The following LYZL6 variants were observed in gnomAD, a reference collection of about 807,000 sequenced individuals.
The protein encoded by LYZL6 is lysozyme like 6.
In LYZL6, 21 loss-of-function variants were observed where a neutral mutation model predicts 15.0. The ratio of observed to expected loss-of-function variants is 1.40; its 90% CI spans 1.00 to 2.02. LYZL6 has a LOEUF of 2.02. Among genes scored for constraint, LYZL6 ranks in the 30% most tolerant of loss-of-function variants. The pLI, the probability that LYZL6 is intolerant of heterozygous loss-of-function variation, is 0.00. For synonymous variants in LYZL6, 72 were observed against 67.8 expected, an observed-to-expected ratio of 1.06 and a Z score of -0.31; for missense variants, 173 against 180.5, an observed-to-expected ratio of 0.96 and a Z score of 0.24.
At chr17:35,939,071 G>A in intron 2 of LYZL6, 147 bp downstream of exon 2, 2 of 871,336 alleles carry the variant, frequency 2.3e-6, no homozygotes, top group Non-Finnish European at 3.6e-6. Flanking sequence ...AATAACTTGA[G>A]TGAATACAGC....
At chr17:35,939,763 G>T (rs2089410840) in intron 1 of LYZL6, among the ~76,000 whole-genome samples, 1 of 152,150 alleles carries the variant, frequency 6.6e-6, no homozygotes, top group African/African-American at 2.4e-5. Context: ...CTCCCAAAGT[G>T]CTGGGATTAC....
intron 1 of LYZL6, among the ~76,000 whole-genome samples, chr17:35,941,241 A>C (rs971208651): frequency 5.9e-5 from 9 of 152,240 alleles, no homozygotes; most frequent in African/African-American, 1.9e-4. Context: ...CGTTTCCCAG[A>C]TGGCTACGGA....
At chr17:35,935,803 C>T (rs964526109) in intron 4 of LYZL6, among the ~76,000 whole-genome samples, 6 of 149,756 alleles carry the variant, frequency 4.0e-5, no homozygotes, top group African/African-American at 7.4e-5. Flanking sequence ...TGAGCCACTG[C>T]GCCCAGCCGC....
At chr17:35,941,270 G>A (rs911095115) in intron 1 of LYZL6, among the ~76,000 whole-genome samples, 16 of 152,164 alleles carry the variant, frequency 1.1e-4, no homozygotes, top group African/African-American at 3.6e-4. Flanking sequence ...ATCTTTTTAT[G>A]TGCTTATTGG....
At position 35,943,705 on chromosome 17, in the gene LYZL6, C is replaced by T. The variant is rs1568425952; in HGVS notation, c.-341G>A. On this transcript the variant is annotated 5_prime_UTR_variant, in exon 1 of 5. Transcript: ENST00000615905. ...TCAGCCCTGCCCAACTAACAGCTCT[C>T]CATGTTCTAAAGAAGGCTTCTGGAA... 6.6e-6 allele frequency: 1 copy of T among 152,384 alleles called. No individual in the cohort carries two copies. The highest frequency in any genetic ancestry group is 6.5e-5 in the Admixed American group (1 of 15,284). 9.4% of individuals were successfully genotyped at this position (152,384 alleles called of 1,614,324 possible).
In LYZL6 at chr17:35,937,448, G is replaced by A. The variant is rs376873098; in HGVS notation, c.298+310C>T. 3.9e-5 allele frequency among the ~76,000 whole-genome samples: 6 copies of A among 152,318 alleles called. No homozygotes were observed. The South Asian group carries it at 1.2e-3, about 32-fold the overall frequency. On this transcript the variant is annotated intron_variant, in intron 3 of 4. Coordinates refer to ENST00000615905, the MANE Select transcript of LYZL6 (RefSeq NM_020426.4). ...AATGGTTTCTACTGCATGAAAGTTG[G>A]ATGAAATAAGCCAAGTATGTAAAGC...
intron 2 of LYZL6, among the ~76,000 whole-genome samples, chr17:35,938,605 G>A (rs1308084029): frequency 1.4e-5 from 2 of 146,052 alleles, no homozygotes; most frequent in East Asian, 2.0e-4. Flanking sequence ...GTGACAGAGC[G>A]AGACTCTGTC....
intron 4 of LYZL6, among the ~76,000 whole-genome samples, chr17:35,935,702 C>T (rs1369120861): frequency 6.6e-6 from 1 of 152,128 alleles, no homozygotes; most frequent in African/African-American, 2.4e-5. Flanking sequence ...TTAGTAGAGA[C>T]AAAGTTTCAC....
rs145793509 is a variant in LYZL6, at chr17:35,938,580, T to G, written c.139+638A>C. On this transcript the variant is annotated intron_variant, in intron 2 of 4. Transcript: ENST00000615905. ...TTGCAGTGAGCCAAGATCGCGCCACTACACTCCAGCCTGGGTGACAGAGCG... is the reference window on the plus strand; with the variant it reads ...TTGCAGTGAGCCAAGATCGCGCCACGACACTCCAGCCTGGGTGACAGAGCG... 4.3e-3 allele frequency among the ~76,000 whole-genome samples: 620 copies of G among 144,204 alleles called. 3 individuals carry two copies. Among genetic ancestry groups the G allele is most frequent in the African/African-American group, 0.015 (565 of 38,572 alleles). 94.6% of individuals were successfully genotyped at this position (144,204 alleles called of 152,430 possible).
chr17:35,935,440 G>C (rs2089363181), intron 4 of LYZL6, among the ~76,000 whole-genome samples: 1 of 152,122 alleles, frequency 6.6e-6, no homozygotes, highest in Non-Finnish European at 1.5e-5. Flanking sequence ...TTTTGAGACG[G>C]ATTCTTTCTC....
At chr17:35,938,050 G>C in intron 2 of LYZL6, 134 bp from the exon 3 acceptor site, 1 of 774,586 alleles carries the variant, frequency 1.3e-6, no homozygotes, top group Non-Finnish European at 2.0e-6. Context: ...TAGAGGGCTT[G>C]AAATCTCCAT....
At chr17:35,935,600 C>T (rs188666118) in intron 4 of LYZL6, among the ~76,000 whole-genome samples, 15 of 151,982 alleles carry the variant, frequency 9.9e-5, no homozygotes, top group East Asian at 5.8e-4. Flanking sequence ...AGAGAGATCC[C>T]GGCCCACAGG....
intron 2 of LYZL6, 75 bp from the exon 3 acceptor site, chr17:35,937,991 A>G (rs1486764369): frequency 1.1e-5 from 16 of 1,473,960 alleles, no homozygotes; most frequent in Middle Eastern, 1.9e-4. Flanking sequence ...GGAGAAAGGG[A>G]GGCAAGGTTT....
intron 2 of LYZL6, 94 bp from the exon 3 acceptor site, chr17:35,938,010 A>C: frequency 7.7e-6 from 10 of 1,291,208 alleles, no homozygotes; most frequent in Non-Finnish European, 1.1e-5. Context: ...TTCAGACAAA[A>C]GGAACAAGGC....
At chr17:35,941,090 C>T (rs1171683503) in intron 1 of LYZL6, among the ~76,000 whole-genome samples, 1 of 152,228 alleles carries the variant, frequency 6.6e-6, no homozygotes, top group East Asian at 1.9e-4. Flanking sequence ...TCCAAAGTGG[C>T]TGCACCATTT....
chr17:35,936,820 G>A lies in LYZL6; in HGVS notation c.312C>T (p.Pro104=), dbSNP rs113530057. The stretch of plus-strand genomic sequence containing the variant: ...CGCAGTGGATGCCTGCAAGAAGGTT[G>A]GGATTCAGCAGATCTGAAAGGGAGG... ...CHVDCQDLLN[P]NLLAGIHCAK... is the part of the protein sequence containing the mutation. Residue 104 remains proline (P), a synonymous_variant, in exon 4 of 5, where the codon CCC becomes CCT. Transcript: ENST00000615905. The A allele has an allele frequency of 3.1e-6, 5 of 1,613,754 alleles. No individual in the cohort carries two copies. The African/African-American group carries it at 4.0e-5, about 13-fold the overall frequency.
chr17:35,934,547 T>C lies in LYZL6; in HGVS notation c.*249A>G. ...CAGAGCGAGTGCTTTAATATTTCGA[T>C]AAATATAAAGATTTCTTTATTGTGG... On this transcript the variant is annotated 3_prime_UTR_variant, in exon 5 of 5. Coordinates refer to ENST00000615905, the MANE Select transcript of LYZL6 (RefSeq NM_020426.4). The C allele has an allele frequency of 2.0e-6, 1 of 505,876 alleles. No individual in the cohort carries two copies. Among genetic ancestry groups the C allele is most frequent in the Non-Finnish European group, 3.5e-6 (1 of 285,064 alleles). 31.3% of individuals were successfully genotyped at this position (505,876 alleles called of 1,614,324 possible). A position where few individuals can be genotyped will look rare whatever the true frequency, so the allele number is the denominator to read the frequency against.
At chr17:35,938,708 A>G (rs543031081) in intron 2 of LYZL6, among the ~76,000 whole-genome samples, 1 of 151,682 alleles carries the variant, frequency 6.6e-6, no homozygotes, top group African/African-American at 2.4e-5. Flanking sequence ...TCCTGGGCAA[A>G]AGGGAGATAT....
intron 2 of LYZL6, among the ~76,000 whole-genome samples, chr17:35,938,447 G>A (rs1431659836): frequency 1.3e-5 from 2 of 152,062 alleles, no homozygotes; most frequent in East Asian, 3.9e-4. Flanking sequence ...GTGAAACCCT[G>A]TCTCTACTAA....
Sources: allele counts gnomAD v4.1 joint callset (sites outside exome capture counted in the v4.1 genomes callset), GRCh38; gene constraint gnomAD v4.1.1; transcripts MANE v1.5; gene names NCBI Gene and HGNC (gene_info 2026-07-23, HGNC 2026-07-21).